Variants in ERC1 observed in about 807,000 individuals in gnomAD.
ERC1 encodes RAB6 interacting protein 2.
In ERC1, 56 loss-of-function variants were observed where a neutral mutation model predicts 132.0. The ratio of observed to expected loss-of-function variants is 0.42; its 90% confidence interval spans 0.34 to 0.53. The LOEUF (loss-of-function observed/expected upper bound fraction) is 0.53. Ranked by LOEUF, ERC1 falls within the 20% of genes least tolerant of loss-of-function variation. The pLI, the probability that ERC1 is intolerant of heterozygous loss-of-function variation, is 0.03. For missense variants in ERC1, 1,202 were observed against 1,349.9 expected, an observed-to-expected ratio of 0.89 and a Z score of 1.72; for synonymous variants, 478 against 476.1, an observed-to-expected ratio of 1.00 and a Z score of -0.05.
chr12:1,320,595 CTTA>C (rs2082049479), intron 15 of ERC1, among the ~76,000 whole-genome samples: 1 of 152,106 alleles, frequency 6.6e-6, no homozygotes, highest in Admixed American at 6.6e-5. Flanking sequence ...TAAGAATAAC[CTTA>C]TTACAAAAGT....
At chr12:1,424,036 G>C (rs561307649) in intron 17 of ERC1, among the ~76,000 whole-genome samples, 1 of 145,774 alleles carries the variant, frequency 6.9e-6, no homozygotes, top group Non-Finnish European at 1.5e-5. Flanking sequence ...GTGTATGTAC[G>C]TGTGTGTGTG....
chr12:1,467,076 T>C (rs1197398871), intron 18 of ERC1, among the ~76,000 whole-genome samples: 1 of 152,242 alleles, frequency 6.6e-6, no homozygotes, highest in Non-Finnish European at 1.5e-5. Flanking sequence ...ATGGGATTTC[T>C]CATGGTGTTC....
At chr12:1,283,822 T>C (rs1464978004) in intron 14 of ERC1, among the ~76,000 whole-genome samples, 1 of 152,254 alleles carries the variant, frequency 6.6e-6, no homozygotes, top group East Asian at 1.9e-4. Context: ...GTACATGTGA[T>C]ATTTTGATAT....
intron 13 of ERC1, among the ~76,000 whole-genome samples, chr12:1,241,202 A>G (rs2075766638): frequency 6.6e-6 from 1 of 152,044 alleles, no homozygotes; most frequent in African/African-American, 2.4e-5. Flanking sequence ...GTTCTATTTA[A>G]TTTTTTGCTC....
chr12:1,237,038 A>T (rs530334535), intron 13 of ERC1, 134 bp downstream of exon 13: 16 of 1,035,528 alleles, frequency 1.5e-5, no homozygotes, highest in Non-Finnish European at 2.2e-5. Flanking sequence ...TCTCAGACCA[A>T]CTGTTTAGCA....
intron 13 of ERC1, among the ~76,000 whole-genome samples, chr12:1,258,953 A>G (rs189108661): frequency 1.4e-3 from 218 of 152,330 alleles, no homozygotes; most frequent in African/African-American, 5.0e-3. Flanking sequence ...CACAGTAAAC[A>G]GTTAACTTAC....
intron 17 of ERC1, among the ~76,000 whole-genome samples, chr12:1,420,817 G>A (rs144924607): frequency 3.6e-3 from 531 of 148,298 alleles, no homozygotes; most frequent in Middle Eastern, 6.8e-3. Flanking sequence ...CAAAATGAGT[G>A]TATTTCTTTG....
chr12:1,051,232 G>A (rs1218469924), intron 2 of ERC1, among the ~76,000 whole-genome samples: 2 of 152,140 alleles, frequency 1.3e-5, no homozygotes, highest in Non-Finnish European at 2.9e-5. Context: ...TTTAATTGGT[G>A]TGGGCTACAA....
chr12:1,028,334 G>A lies in ERC1; in HGVS notation c.431G>A (p.Arg144His), dbSNP rs906126547. The A allele has an allele frequency of 3.7e-6, 6 of 1,614,024 alleles. No individual in the cohort carries two copies. Among genetic ancestry groups the A allele is most frequent in the Admixed American group, 1.7e-5 (1 of 59,976 alleles). The change falls in exon 2 of 19, where the codon CGT (arginine) becomes CAT (histidine). Residue 144 changes from arginine (R) to histidine (H), a missense_variant. Physicochemically the swap from Arg to His is conservative, Grantham distance 29 (BLOSUM62 0). Transcript: ENST00000360905. ...SMASTVPHSL[R>H]QARDNTIMDL... ...GCATCCACTGTACCTCACTCCCTTC[G>A]TCAGGCGAGAGATAACACAATCATG...
At chr12:1,026,424 T>C (rs1448495272) in intron 1 of ERC1, among the ~76,000 whole-genome samples, 1 of 152,214 alleles carries the variant, frequency 6.6e-6, no homozygotes, top group East Asian at 1.9e-4. Context: ...TTTTAACATA[T>C]ATTAAATTCC....
At chr12:1,427,999 G>A (rs922783972) in intron 17 of ERC1, among the ~76,000 whole-genome samples, 1 of 152,092 alleles carries the variant, frequency 6.6e-6, no homozygotes, top group Admixed American at 6.6e-5. Context: ...GATTTAAGGT[G>A]GCATTTGTCC....
chr12:1,359,091 T>TG (rs1337584234), intron 15 of ERC1, among the ~76,000 whole-genome samples: 2 of 152,178 alleles, frequency 1.3e-5, no homozygotes, highest in Non-Finnish European at 2.9e-5. Flanking sequence ...AGTACTATAT[T>TG]GGAGCCCTCA....
intron 18 of ERC1, among the ~76,000 whole-genome samples, chr12:1,477,226 C>A (rs2093992411): frequency 1.3e-5 from 2 of 152,194 alleles, no homozygotes; most frequent in East Asian, 1.9e-4. Context: ...AGAACACCTA[C>A]CTCAAAAGAA....
chr12:1,316,560 T>C (rs1258913482), intron 15 of ERC1, among the ~76,000 whole-genome samples: 1 of 152,200 alleles, frequency 6.6e-6, no homozygotes, highest in Non-Finnish European at 1.5e-5. Context: ...GGGATGCAGG[T>C]AAGTCATTTC....
At chr12:1,188,710 C>T (rs1014486441) in intron 11 of ERC1, among the ~76,000 whole-genome samples, 1 of 152,148 alleles carries the variant, frequency 6.6e-6, no homozygotes, top group Non-Finnish European at 1.5e-5. Flanking sequence ...GCGTTTAATA[C>T]AATTATATAA....
At position 1,216,140 on chromosome 12, in the gene ERC1, C is replaced by T. The variant is rs148656847; in HGVS notation, c.2352-20629C>T. Among the ~76,000 whole-genome samples the T allele has an allele frequency of 1.5e-4, 23 of 152,198 alleles. No individual in the cohort carries two copies. The East Asian group carries it at 4.1e-3, about 27-fold the overall frequency. On this transcript the variant is annotated intron_variant, in intron 12 of 18. Coordinates refer to ENST00000360905, the MANE Select transcript of ERC1 (RefSeq NM_178040.4). ...CTTCTTTCCGTTCTTTTCCTCTAGG[C>T]GCATCCTTTAATAATGAAATCAGAA...
chr12:1,397,664 CAAAAATTTACCCA>C (rs1330930840), intron 16 of ERC1, among the ~76,000 whole-genome samples: 2 of 151,924 alleles, frequency 1.3e-5, no homozygotes, highest in African/African-American at 4.8e-5. Flanking sequence ...AAAGACAAAT[CAAAAATTTACCCA>C]AAAAAGTTAC....
At chr12:1,314,701 G>A (rs929413237) in intron 15 of ERC1, among the ~76,000 whole-genome samples, 1 of 152,058 alleles carries the variant, frequency 6.6e-6, no homozygotes, top group Non-Finnish European at 1.5e-5. Context: ...TACTGTCAAA[G>A]CTTTTTTCTT....
chr12:1,182,317 G>C (rs1185703997), intron 10 of ERC1, among the ~76,000 whole-genome samples: 3 of 152,092 alleles, frequency 2.0e-5, no homozygotes, highest in Non-Finnish European at 2.9e-5. Context: ...TATTTTTATA[G>C]ACCTAAAGTA....
Sources: allele counts gnomAD v4.1 joint callset (sites outside exome capture counted in the v4.1 genomes callset), GRCh38; gene constraint gnomAD v4.1.1; transcripts MANE v1.5; gene names NCBI Gene and HGNC (gene_info 2026-07-23, HGNC 2026-07-21).